HACE1: variants seen among roughly 807,000 people sequenced by gnomAD.
HACE1 encodes the protein E3 ubiquitin-protein ligase HACE1.
HACE1 carries 73 observed loss-of-function variants against 118.4 expected under a neutral mutation model. The ratio of observed to expected loss-of-function variants is 0.62; its 90% CI spans 0.51 to 0.75. The LOEUF (loss-of-function observed/expected upper bound fraction) is 0.75. Among genes scored for constraint, HACE1 ranks in the 30% least tolerant of loss-of-function variants. The pLI is 0.00. For missense variants in HACE1, 749 were observed against 1,102.2 expected, an observed-to-expected ratio of 0.68 and a Z score of 4.54; for synonymous variants, 368 against 374.8, an observed-to-expected ratio of 0.98 and a Z score of 0.21.
chr6:104,737,761 G>A (rs950984548), intron 22 of HACE1, among the ~76,000 whole-genome samples: 4 of 152,208 alleles, frequency 2.6e-5, no homozygotes, highest in African/African-American at 7.2e-5. Context: ...AGGGGCGCCC[G>A]CCATTTTCCA....
chr6:104,759,906 G>T (rs1421137472), intron 19 of HACE1, among the ~76,000 whole-genome samples: 1 of 152,130 alleles, frequency 6.6e-6, no homozygotes, highest in Non-Finnish European at 1.5e-5. Context: ...TACCATCAGA[G>T]AATACTATAA....
chr6:104,737,813 G>A (rs914382559), intron 22 of HACE1, among the ~76,000 whole-genome samples: 1 of 152,218 alleles, frequency 6.6e-6, no homozygotes, highest in Non-Finnish European at 1.5e-5. Context: ...GCCCGAACTG[G>A]GTGGAGCCCA....
At chr6:104,799,211 C>T (rs1435820987) in intron 7 of HACE1, among the ~76,000 whole-genome samples, 1 of 152,152 alleles carries the variant, frequency 6.6e-6, no homozygotes, top group Non-Finnish European at 1.5e-5. Context: ...AACAGGAGGC[C>T]ATTAGCCTGA....
rs114592795 is a variant in HACE1, at chr6:104,834,479, T to G, written c.403-1306A>C. The stretch of plus-strand genomic sequence containing the variant: ...TTAAAACTCTGGACTATGCTATCCA[T>G]TAATTTTTCACATGATTTTTTTTCA... On this transcript the variant is annotated intron_variant, in intron 5 of 23. Transcript: ENST00000262903. 4.6e-3 allele frequency among the ~76,000 whole-genome samples: 707 copies of G among 152,320 alleles called. 4 individuals carry two copies. Among genetic ancestry groups the G allele is most frequent in the African/African-American group, 0.016 (678 of 41,582 alleles).
In HACE1 at chr6:104,859,777, GA is replaced by G; in HGVS notation, c.-136del. ...TGCCCCGGCTAGAGCACTGAGCTGC[GA>G]GGGCTGCCTGGGGCCACGTCCTGCG... On this transcript the variant is annotated 5_prime_UTR_variant, in exon 1 of 24. Coordinates refer to ENST00000262903, the MANE Select transcript of HACE1 (RefSeq NM_020771.4). 2 of 802,306 alleles carry G rather than the reference GA, an allele frequency of 2.5e-6. No individual in the cohort carries two copies. The highest frequency in any genetic ancestry group is 3.8e-6 in the Non-Finnish European group (2 of 527,794). 49.7% of individuals were successfully genotyped at this position (802,306 alleles called of 1,614,324 possible). A position where few individuals can be genotyped will look rare whatever the true frequency, so the allele number is the denominator to read the frequency against.
chr6:104,789,027 A>C (rs974537328), intron 11 of HACE1, among the ~76,000 whole-genome samples: 2 of 152,130 alleles, frequency 1.3e-5, no homozygotes, highest in Admixed American at 1.3e-4. Flanking sequence ...CCTCAGACAA[A>C]ATGTGGTAAG....
chr6:104,739,787 G>A (rs1776413044), intron 22 of HACE1, among the ~76,000 whole-genome samples: 3 of 151,302 alleles, frequency 2.0e-5, no homozygotes, highest in African/African-American at 7.3e-5. Context: ...GGATACCCAG[G>A]AATTGAACTC....
chr6:104,810,435 G>A (rs1430461055), intron 7 of HACE1, among the ~76,000 whole-genome samples: 1 of 151,952 alleles, frequency 6.6e-6, no homozygotes, highest in African/African-American at 2.4e-5. Flanking sequence ...AAGAAGAAGA[G>A]AGGAGCTTTC....
Position 104,849,139 on chromosome 6 carries a change from T to C in HACE1, c.326+3A>G. ...AAGCCACTTAAGAAAACTAAATAGT[T>C]ACCCATTTCTTGCTGCCAAATGAAG... On this transcript the variant is annotated splice_donor_region_variant and intron_variant, in intron 4 of 23. Coordinates refer to ENST00000262903, the MANE Select transcript of HACE1 (RefSeq NM_020771.4). 1 of 1,503,994 alleles carries C rather than the reference T, an allele frequency of 6.6e-7. No individual in the cohort carries two copies. The highest frequency in any genetic ancestry group is 1.4e-5 in the African/African-American group (1 of 72,894). The allele number at this position is 1,503,994 out of a possible 1,614,324, so 93.2% of individuals were successfully genotyped here. A position where few individuals can be genotyped will look rare whatever the true frequency, so the allele number is the denominator to read the frequency against.
At chr6:104,765,817 T>C (rs993519347) in intron 19 of HACE1, among the ~76,000 whole-genome samples, 1 of 152,254 alleles carries the variant, frequency 6.6e-6, no homozygotes, top group African/African-American at 2.4e-5. Flanking sequence ...AGTGTTATTC[T>C]ATTTTTCATT....
Position 104,811,325 on chromosome 6 carries a change from CA to C in HACE1, c.602del (p.Leu201CysfsTer30). On this transcript the variant is annotated frameshift_variant, in exon 7 of 24. Transcript: ENST00000262903. LOFTEE classifies it high-confidence loss of function. ...NRPNVSGATP[L>X]YFACSHGQRD... ...AAATATCATACCTGCAAGCAAAGTACAATGGAGTTGCTCCTGATACATTTGG... is the reference window on the plus strand; with the variant it reads ...AAATATCATACCTGCAAGCAAAGTACATGGAGTTGCTCCTGATACATTTGG... The C allele has an allele frequency of 7.0e-7, 1 of 1,433,752 alleles. No homozygotes were observed. The highest frequency in any genetic ancestry group is 9.8e-7 in the Non-Finnish European group (1 of 1,024,244). The allele number at this position is 1,433,752 out of a possible 1,614,324, so 88.8% of individuals were successfully genotyped here.
chr6:104,767,618 C>G (rs182376608), intron 19 of HACE1, among the ~76,000 whole-genome samples: 1 of 152,140 alleles, frequency 6.6e-6, no homozygotes, highest in South Asian at 2.1e-4. Context: ...TTTCAAAGTA[C>G]TATTTGTGGA....
At chr6:104,752,324 C>T (rs188362670) in intron 19 of HACE1, among the ~76,000 whole-genome samples, 7 of 152,154 alleles carry the variant, frequency 4.6e-5, no homozygotes, top group Non-Finnish European at 7.4e-5. Flanking sequence ...GAGTCCAACC[C>T]GGGAAATAAC....
chr6:104,776,948 T>C, intron 16 of HACE1, 65 bp downstream of exon 16: 1 of 1,311,414 alleles, frequency 7.6e-7, no homozygotes, highest in South Asian at 1.2e-5. Flanking sequence ...TTAAACTTTA[T>C]TCAAAAGGCA....
At chr6:104,832,306 C>T (rs1182919727) in intron 6 of HACE1, among the ~76,000 whole-genome samples, 1 of 152,014 alleles carries the variant, frequency 6.6e-6, no homozygotes, top group Non-Finnish European at 1.5e-5. Context: ...CTATTAAAAC[C>T]TATGAATTAG....
rs368789880 is a variant in HACE1 at position 104,791,435 on chromosome 6, G to T, written c.1074+69C>A. On this transcript the variant is annotated intron_variant, in intron 11 of 23. Transcript: ENST00000262903. The stretch of plus-strand genomic sequence containing the variant: ...CCTGTTCATGAGCTTTCTGATTAAT[G>T]AATGCATGCTTTGTCAAATTCATCT... The T allele has an allele frequency of 1.5e-4, 197 of 1,348,460 alleles. No individual in the cohort carries two copies. The African/African-American group carries it at 2.4e-3, about 16-fold the overall frequency. The allele number at this position is 1,348,460 out of a possible 1,614,324, so 83.5% of individuals were successfully genotyped here.
At chr6:104,816,826 G>T (rs1180038624) in intron 6 of HACE1, among the ~76,000 whole-genome samples, 1 of 152,206 alleles carries the variant, frequency 6.6e-6, no homozygotes, top group Non-Finnish European at 1.5e-5. Flanking sequence ...CCACAGGGGT[G>T]GAGCTACCCA....
chr6:104,827,866 G>A (rs1773489478), intron 6 of HACE1, among the ~76,000 whole-genome samples: 1 of 152,064 alleles, frequency 6.6e-6, no homozygotes, highest in East Asian at 1.9e-4. Context: ...TATACTAAGG[G>A]TTCAACTATC....
chr6:104,831,176 C>T (rs1773829093), intron 6 of HACE1: 2 of 152,116 alleles, frequency 1.3e-5, no homozygotes, highest in African/African-American at 2.4e-5. Context: ...TTATATAAGG[C>T]AGTAAAGTCT....
Sources: gnomAD v4.1 joint callset for allele counts (sites outside exome capture counted in the v4.1 genomes callset) on GRCh38, gnomAD v4.1.1 for gene constraint, MANE v1.5 for transcripts, NCBI Gene and HGNC (gene_info 2026-07-23, HGNC 2026-07-21) for gene names.